WDR43: variants seen among roughly 807,000 people sequenced by gnomAD.
WDR43 encodes the protein WD repeat domain 43.
A neutral mutation model predicts 91.4 loss-of-function variants in WDR43; 13 were observed. The ratio of observed to expected loss-of-function variants is 0.14; its 90% CI spans 0.09 to 0.23. The LOEUF is 0.23. WDR43 is among the 10% of genes least tolerant of loss of function. The probability of loss-of-function intolerance (pLI) is 1.00; values close to 1 mark genes in which losing one functional copy is unlikely to be tolerated. For missense variants in WDR43, 780 were observed against 809.4 expected (o/e 0.96, Z 0.44); for synonymous variants, 331 against 287.9 (o/e 1.15, Z -1.51).
chr2:28,928,705 A>G (rs994362228), intron 10 of WDR43, among the ~76,000 whole-genome samples: 6 of 152,152 alleles, frequency 3.9e-5, no homozygotes, highest in African/African-American at 1.2e-4. Flanking sequence ...TTTTGGAGAT[A>G]GGGTCTCATT....
At chr2:28,910,226 C>T (rs1317837412) in intron 3 of WDR43, among the ~76,000 whole-genome samples, 1 of 152,160 alleles carries the variant, frequency 6.6e-6, no homozygotes, top group Non-Finnish European at 1.5e-5. Context: ...GCCTAACTAG[C>T]ATTTTCAATA....
intron 11 of WDR43, 23 bp from the exon 12 acceptor site, chr2:28,935,495 TTAA>T (rs1671321538): frequency 6.6e-7 from 1 of 1,519,286 alleles, no homozygotes; most frequent in Non-Finnish European, 9.0e-7. Context: ...TATGCTCATC[TTAA>T]TAATCCTTTT....
At chr2:28,901,410 G>A (rs1407092578) in intron 1 of WDR43, among the ~76,000 whole-genome samples, 1 of 152,134 alleles carries the variant, frequency 6.6e-6, no homozygotes, top group Non-Finnish European at 1.5e-5. Context: ...CAGTCAGTGG[G>A]GCAACTTCTC....
rs375847908 is a variant in WDR43 at position 28,946,440 on chromosome 2, C to T, written c.1805-10C>T. 198 of 1,606,328 alleles carry T rather than the reference C, an allele frequency of 1.2e-4. No homozygotes were observed. In the African/African-American group the frequency reaches 2.4e-3, roughly 19 times the overall value. On this transcript the variant is annotated splice_polypyrimidine_tract_variant and intron_variant, in intron 16 of 17. Transcript: ENST00000407426. ...CTAAAATTAAGGCTGGGTTCTTTCT[C>T]CCCTTACAGAGTCTTCTGAAGAGGA...
At chr2:28,942,509 G>C (rs1671458438) in intron 16 of WDR43, 128 bp downstream of exon 16, 1 of 995,020 alleles carries the variant, frequency 1.0e-6, no homozygotes, top group African/African-American at 1.6e-5. Flanking sequence ...AATTAAAATA[G>C]GCAAGTCCGT....
chr2:28,917,824 A>T, intron 5 of WDR43, 69 bp from the exon 6 acceptor site: 1 of 1,348,940 alleles, frequency 7.4e-7, no homozygotes, highest in Non-Finnish European at 1.0e-6. Context: ...ATGCCTCCTT[A>T]GGTGTTTGCC....
Position 28,935,586 on chromosome 2 carries a change from T to G in WDR43, c.1503T>G (p.Thr501=). The G allele has an allele frequency of 1.3e-6, 2 of 1,593,104 alleles. No homozygotes were observed. Among genetic ancestry groups the G allele is most frequent in the Non-Finnish European group, 1.7e-6 (2 of 1,169,796 alleles). The part of the protein sequence containing the change: ...KKTVLRMPLH[T]IIPLLQELTK... ...CTGTATTAAGGATGCCCCTGCATACTATTATTCCGTTGTTACAAGAGGTAA... is the reference window on the plus strand; with the variant it reads ...CTGTATTAAGGATGCCCCTGCATACGATTATTCCGTTGTTACAAGAGGTAA... Residue 501 remains threonine, a synonymous_variant, in exon 12 of 18, where the codon ACT becomes ACG. Transcript: ENST00000407426.
chr2:28,895,295 G>A (rs976129554), intron 1 of WDR43: 1 of 195,924 alleles, frequency 5.1e-6, no homozygotes, highest in Admixed American at 6.1e-5. Flanking sequence ...CCCCATCTTG[G>A]GACTATCTAA....
intron 6 of WDR43, 82 bp from the exon 7 acceptor site, chr2:28,922,837 A>C: frequency 1.4e-5 from 11 of 768,334 alleles, no homozygotes; most frequent in Non-Finnish European, 1.9e-5. Flanking sequence ...TGGGGTGGGA[A>C]GGACAGCTGA....
chr2:28,928,311 TTTTTC>T (rs1671181068), intron 10 of WDR43, among the ~76,000 whole-genome samples: 9 of 152,186 alleles, frequency 5.9e-5, no homozygotes, highest in Admixed American at 5.9e-4. Context: ...GTATTCTTTT[TTTTTC>T]TTTGTCCAAT....
intron 14 of WDR43, among the ~76,000 whole-genome samples, chr2:28,940,252 G>T (rs1389057310): frequency 4.0e-5 from 6 of 151,416 alleles, no homozygotes; most frequent in South Asian, 2.1e-4. Flanking sequence ...TTCTTGAGAC[G>T]GAGTTTTGCT....
Position 28,942,241 on chromosome 2 carries a change from G to A in WDR43, c.1735-71G>A. Reference sequence around the variant, plus strand: ...AGCAGCAAGCAGTGGGGAAGGTTGGGTATGCTGGTGGTCGTGATACTTGGG... The same window carrying A: ...AGCAGCAAGCAGTGGGGAAGGTTGGATATGCTGGTGGTCGTGATACTTGGG... On this transcript the variant is annotated intron_variant, in intron 15 of 17. Coordinates refer to ENST00000407426, the MANE Select transcript of WDR43 (RefSeq NM_015131.3). 3 of 1,470,918 alleles carry A rather than the reference G, an allele frequency of 2.0e-6. No individual in the cohort carries two copies. In the South Asian group the frequency reaches 3.6e-5, roughly 18 times the overall value. 91.1% of individuals were successfully genotyped at this position (1,470,918 alleles called of 1,614,324 possible).
At chr2:28,920,719 C>T (rs1290936940) in intron 6 of WDR43, among the ~76,000 whole-genome samples, 1 of 152,118 alleles carries the variant, frequency 6.6e-6, no homozygotes, top group African/African-American at 2.4e-5. Flanking sequence ...CTCTGTCAGC[C>T]AGGCTGGAGT....
chr2:28,923,932 G>C (rs539333815), intron 7 of WDR43, among the ~76,000 whole-genome samples: 1 of 152,106 alleles, frequency 6.6e-6, no homozygotes, highest in Non-Finnish European at 1.5e-5. Flanking sequence ...TAAGACAGTC[G>C]TTCATTGAGA....
chr2:28,910,622 A>T (rs1222797214), intron 3 of WDR43, among the ~76,000 whole-genome samples: 3 of 150,152 alleles, frequency 2.0e-5, no homozygotes, highest in African/African-American at 7.3e-5. Flanking sequence ...TATATTTTTG[A>T]TACTTTTTTC....
intron 15 of WDR43, 84 bp downstream of exon 15, chr2:28,941,658 T>C: frequency 9.6e-7 from 1 of 1,047,074 alleles, no homozygotes; most frequent in Non-Finnish European, 1.4e-6. Context: ...TGAGACAGGG[T>C]CTTGCTCTGT....
chr2:28,926,551 A>G lies in WDR43; in HGVS notation c.1170A>G (p.Thr390=), dbSNP rs184446204. Residue 390 remains threonine, a synonymous_variant, in exon 9 of 18, where the codon ACA becomes ACG. Transcript: ENST00000407426. ...CWAPKVETAI[T]KVRTPVMNSE... ...CCCCCAAAGTAGAAACAGCTATAAC[A>G]AAGGTGAGCACATTACAAATTTGAA... 2.2e-4 allele frequency: 351 copies of G among 1,589,110 alleles called. 3 individuals carry two copies. In the East Asian group the frequency reaches 7.3e-3, roughly 33 times the overall value.
chr2:28,909,139 TTTTC>T (rs940063752), intron 3 of WDR43, among the ~76,000 whole-genome samples: 1 of 152,098 alleles, frequency 6.6e-6, no homozygotes, highest in Non-Finnish European at 1.5e-5. Flanking sequence ...ATTTTTTTTC[TTTTC>T]TTTCTTTTTC....
intron 1 of WDR43, among the ~76,000 whole-genome samples, chr2:28,896,029 T>G (rs1285777833): frequency 1.3e-5 from 2 of 152,222 alleles, no homozygotes; most frequent in African/African-American, 4.8e-5. Context: ...TAAGCTACAT[T>G]TTCATAGTTT....
Sources: gnomAD v4.1 joint callset for allele counts (sites outside exome capture counted in the v4.1 genomes callset) on GRCh38, gnomAD v4.1.1 for gene constraint, MANE v1.5 for transcripts, NCBI Gene and HGNC (gene_info 2026-07-23, HGNC 2026-07-21) for gene names.